The following STKLD1 variants were observed in gnomAD, a reference collection of about 807,000 sequenced individuals.
STKLD1 encodes serine/threonine kinase-like domain-containing protein STKLD1.
Under a neutral mutation model 80.4 loss-of-function variants are expected in STKLD1, and 79 were observed. The observed-to-expected ratio is 0.98, with a 90% CI of 0.82 to 1.19. The LOEUF is 1.19. STKLD1 is among the 50% of genes most tolerant of loss of function. STKLD1 has a pLI of 0.00. For synonymous variants in STKLD1, 393 were observed against 357.6 expected, an observed-to-expected ratio of 1.10 and a Z score of -1.12; for missense variants, 841 against 856.0, an observed-to-expected ratio of 0.98 and a Z score of 0.22.
intron 2 of STKLD1, 57 bp downstream of exon 2, chr9:133,379,179 C>A (rs2130259975): frequency 7.0e-7 from 1 of 1,436,614 alleles, no homozygotes; most frequent in Non-Finnish European, 9.7e-7. Context: ...GTGATTTTCC[C>A]CAATACAAGC....
chr9:133,394,227 T>C lies in STKLD1; in HGVS notation c.584-64T>C. ...GGGATACAGTGCTGGGCAGGGTGAC[T>C]CTGTCAAGCCCCTGCCCCCAGGGAG... On this transcript the variant is annotated intron_variant, in intron 7 of 17. Transcript: ENST00000371957. This position sits in a 1 kb window ranked among gnomAD's most constrained non-coding sequence, Gnocchi z 4.9. The C allele has an allele frequency of 1.8e-6, 2 of 1,121,216 alleles. No individual in the cohort carries two copies. The highest frequency in any genetic ancestry group is 2.7e-6 in the Non-Finnish European group (2 of 731,508). The allele number at this position is 1,121,216 out of a possible 1,614,324, so 69.5% of individuals were successfully genotyped here. A position where few individuals can be genotyped will look rare whatever the true frequency, so the allele number is the denominator to read the frequency against.
chr9:133,400,989 AAGAGGGCTGGT>A (rs1484539138), intron 12 of STKLD1, among the ~76,000 whole-genome samples: 1 of 152,120 alleles, frequency 6.6e-6, no homozygotes, highest in Non-Finnish European at 1.5e-5. Flanking sequence ...GTGTCCTCTG[AAGAGGGCTGGT>A]AGGAGGGCAG....
In STKLD1 at chr9:133,404,838, C is replaced by G. The variant is rs1410655782; in HGVS notation, c.1782C>G (p.Leu594=). 1.2e-6 allele frequency: 2 copies of G among 1,613,396 alleles called. No homozygotes were observed. Among genetic ancestry groups the G allele is most frequent in the East Asian group, 4.5e-5 (2 of 44,856 alleles). Reference sequence around the variant, plus strand: ...TGCAGGAGGAGGGCGGCAGTGGCCTCAGCCTCATCAAGGAGACCTACCAGC... The same window carrying G: ...TGCAGGAGGAGGGCGGCAGTGGCCTGAGCCTCATCAAGGAGACCTACCAGC... ...VVVQEEGGSG[L]SLIKETYQLH... Residue 594 remains leucine, a synonymous_variant, in exon 17 of 18, where the codon CTC becomes CTG. Transcript: ENST00000371957.
Position 133,390,164 on chromosome 9 carries a change from T to C in STKLD1, c.468-517T>C, listed in dbSNP as rs999864928. ...CTGCAGTGAGCTATGATCGTGCCAC[T>C]GCACTTCAGCCTGGGCAACCCTGAC... On this transcript the variant is annotated intron_variant, in intron 6 of 17. Transcript: ENST00000371957. This position sits in a 1 kb window ranked among gnomAD's most constrained non-coding sequence, Gnocchi z 5.1. Among the ~76,000 whole-genome samples the C allele has an allele frequency of 1.3e-5, 2 of 150,518 alleles. No homozygotes were observed. The highest frequency in any genetic ancestry group is 4.9e-5 in the African/African-American group (2 of 40,676).
At chr9:133,387,935 G>A in intron 5 of STKLD1, 1 of 444,904 alleles carries the variant, frequency 2.2e-6, no homozygotes, top group Non-Finnish European at 4.5e-6. Context: ...GCATGCACCA[G>A]CAAATCATGT....
At chr9:133,404,742 C>G in intron 16 of STKLD1, 47 bp from the exon 17 acceptor site, 1 of 1,600,870 alleles carries the variant, frequency 6.2e-7, no homozygotes, top group African/African-American at 1.3e-5. Context: ...AGGCTCTTCC[C>G]TTTCAGGGGA....
rs1281144681 is a variant in STKLD1, at chr9:133,385,056, G to A, written c.220-561G>A. ...TGGGGCCTGCCCAGAGCCGCACGCC[G>A]CCGTGGCTTTTCACGTTGCCGATTC... On this transcript the variant is annotated intron_variant, in intron 3 of 17. Coordinates refer to ENST00000371957, the MANE Select transcript of STKLD1 (RefSeq NM_153710.5). This position sits in a 1 kb window ranked among gnomAD's most constrained non-coding sequence, Gnocchi z 4.9. Among the ~76,000 whole-genome samples the A allele has an allele frequency of 6.6e-6, 1 of 152,072 alleles. No homozygotes were observed. The highest frequency in any genetic ancestry group is 1.5e-5 in the Non-Finnish European group (1 of 68,022).
At position 133,404,871 on chromosome 9, in the gene STKLD1, G is replaced by A; in HGVS notation, c.1815G>A (p.Arg605=). The A allele has an allele frequency of 1.2e-6, 2 of 1,613,198 alleles. No individual in the cohort carries two copies. The highest frequency in any genetic ancestry group is 8.5e-7 in the Non-Finnish European group (1 of 1,179,720). Residue 605 remains arginine (R), a synonymous_variant, in exon 17 of 18, where the codon AGG becomes AGA. Transcript: ENST00000371957. ...SLIKETYQLH[R]DDPEVVENVG... Reference sequence around the variant, plus strand: ...TCAAGGAGACCTACCAGCTCCACAGGGACGACCCGGAGGTGGTGGAGAACG... The same window carrying A: ...TCAAGGAGACCTACCAGCTCCACAGAGACGACCCGGAGGTGGTGGAGAACG...
intron 2 of STKLD1, among the ~76,000 whole-genome samples, chr9:133,383,251 GGTGGTGTTGGA>G (rs1838183641): frequency 8.4e-6 from 1 of 119,400 alleles, no homozygotes; most frequent in Non-Finnish European, 1.8e-5. Flanking sequence ...TGGTGATGGT[GGTGGTGTTGGA>G]GTGATGGTGG....
At position 133,390,866 on chromosome 9, in the gene STKLD1, TG is replaced by T; in HGVS notation, c.583+73del. 1 of 1,217,542 alleles carries T rather than the reference TG, an allele frequency of 8.2e-7. No homozygotes were observed. Among genetic ancestry groups the T allele is most frequent in the Non-Finnish European group, 1.2e-6 (1 of 821,832 alleles). The allele number at this position is 1,217,542 out of a possible 1,614,324, so 75.4% of individuals were successfully genotyped here. On this transcript the variant is annotated intron_variant, in intron 7 of 17. Coordinates refer to ENST00000371957, the MANE Select transcript of STKLD1 (RefSeq NM_153710.5). This position sits in a 1 kb window ranked among gnomAD's most constrained non-coding sequence, Gnocchi z 5.1. ...AGAATCCAGGCGGCGTTGGCCACTC[TG>T]GGTGCTGGAGTGAGGCAACATCAAA...
Position 133,394,850 on chromosome 9 carries a change from AT to A in STKLD1, c.702+442del, listed in dbSNP as rs1287457697. Reference sequence around the variant, plus strand: ...TTCTCTCCTCCTGCACATCCTTAGCATGCAGCTCTTTCTCTCATCCCTGCTG... The same window carrying A: ...TTCTCTCCTCCTGCACATCCTTAGCAGCAGCTCTTTCTCTCATCCCTGCTG... On this transcript the variant is annotated intron_variant, in intron 8 of 17. Coordinates refer to ENST00000371957, the MANE Select transcript of STKLD1 (RefSeq NM_153710.5). This position sits in a 1 kb window ranked among gnomAD's most constrained non-coding sequence, Gnocchi z 4.9. 1 of 168,072 alleles carries A rather than the reference AT, an allele frequency of 5.9e-6. No individual in the cohort carries two copies. The allele number at this position is 168,072 out of a possible 1,614,324, so 10.4% of individuals were successfully genotyped here.
At chr9:133,382,521 T>A (rs1838156935) in intron 2 of STKLD1, among the ~76,000 whole-genome samples, 1 of 150,684 alleles carries the variant, frequency 6.6e-6, no homozygotes, top group African/African-American at 2.4e-5. Flanking sequence ...ATGATGGTGA[T>A]GATGATGGTG....
chr9:133,387,373 GC>G, intron 4 of STKLD1, 73 bp from the exon 5 acceptor site: 1 of 1,211,404 alleles, frequency 8.3e-7, no homozygotes, highest in South Asian at 1.2e-5. Flanking sequence ...GCGCAGGGAG[GC>G]CCTGGAGCAG....
rs1171288221 is a variant in STKLD1 at position 133,376,424 on chromosome 9, C to A, written c.-50C>A. ...ATCCCGCGGGTCCCACTGACCCACG[C>A]GGGGTGGGGCCAGGGGTGGACGCTC... is the stretch of plus-strand genomic sequence containing the variant. On this transcript the variant is annotated 5_prime_UTR_variant, in exon 1 of 18. Coordinates refer to ENST00000371957, the MANE Select transcript of STKLD1 (RefSeq NM_153710.5). 6.7e-7 allele frequency: 1 copy of A among 1,501,546 alleles called. No homozygotes were observed. Among genetic ancestry groups the A allele is most frequent in the Non-Finnish European group, 8.9e-7 (1 of 1,125,672 alleles). 93.0% of individuals were successfully genotyped at this position (1,501,546 alleles called of 1,614,324 possible). A position where few individuals can be genotyped will look rare whatever the true frequency, so the allele number is the denominator to read the frequency against.
Position 133,394,446 on chromosome 9 carries a change from T to C in STKLD1, c.702+37T>C, listed in dbSNP as rs2119232597. 1.4e-6 allele frequency: 2 copies of C among 1,452,168 alleles called. No individual in the cohort carries two copies. The highest frequency in any genetic ancestry group is 1.9e-6 in the Non-Finnish European group (2 of 1,034,638). 90.0% of individuals were successfully genotyped at this position (1,452,168 alleles called of 1,614,324 possible). A position where few individuals can be genotyped will look rare whatever the true frequency, so the allele number is the denominator to read the frequency against. Reference sequence around the variant, plus strand: ...TCCCTCCCCCACACCCCACATGCTGTTCCCCACGCGCCCAGGCCTGGGGAA... The same window carrying C: ...TCCCTCCCCCACACCCCACATGCTGCTCCCCACGCGCCCAGGCCTGGGGAA... On this transcript the variant is annotated intron_variant, in intron 8 of 17. Coordinates refer to ENST00000371957, the MANE Select transcript of STKLD1 (RefSeq NM_153710.5). The surrounding 1 kb of genome is among the most constrained non-coding windows in gnomAD (Gnocchi z 4.9).
At chr9:133,395,968 G>A in intron 9 of STKLD1, 1 of 516,836 alleles carries the variant, frequency 1.9e-6, no homozygotes, top group Non-Finnish European at 3.4e-6. Flanking sequence ...GTACGGTGGA[G>A]TGAGCAGACT....
intron 10 of STKLD1, 57 bp downstream of exon 10, chr9:133,397,351 G>A: frequency 6.2e-7 from 1 of 1,602,580 alleles, no homozygotes; most frequent in Non-Finnish European, 8.5e-7. Context: ...CATGGCCTTG[G>A]CATCCTATTG....
chr9:133,403,566 A>G (rs1203658961), intron 14 of STKLD1, 134 bp from the exon 15 acceptor site: 2 of 1,146,738 alleles, frequency 1.7e-6, no homozygotes, highest in African/African-American at 1.6e-5. Context: ...CCCGTCTCTG[A>G]GGACAGTTGA....
rs1488739162 is a variant in STKLD1 at position 133,403,800 on chromosome 9, C to T, written c.1575C>T (p.Cys525=). 8.7e-6 allele frequency: 14 copies of T among 1,613,510 alleles called. No homozygotes were observed. Among genetic ancestry groups the T allele is most frequent in the East Asian group, 6.7e-5 (3 of 44,898 alleles). The change falls in exon 15 of 18, where the codon TGC becomes TGT. Residue 525 remains cysteine (C), a synonymous_variant. Transcript: ENST00000371957. ...PADGEMAEAS[C]GVFWLLSLLG... ...ATGGGGAAATGGCAGAAGCCAGCTG[C>T]GGAGTCTTCTGGCTGCTGTCCCTGC...
Sources: gnomAD v4.1 joint callset for allele counts (sites outside exome capture counted in the v4.1 genomes callset) on GRCh38, gnomAD v4.1.1 for gene constraint, Gnocchi (gnomAD v3.1) non-coding constraint, MANE v1.5 for transcripts, NCBI Gene and HGNC (gene_info 2026-07-23, HGNC 2026-07-21) for gene names.